Variants in SLCO1B1 observed in about 807,000 individuals in gnomAD.
SLCO1B1 encodes the protein solute carrier organic anion transporter family member 1B1.
A neutral mutation model predicts 70.1 loss-of-function variants in SLCO1B1; 81 were observed. The observed-to-expected ratio is 1.16, with a 90% confidence interval of 0.97 to 1.39. The LOEUF is 1.39. Ranked by LOEUF, SLCO1B1 falls within the 40% of genes most tolerant of loss-of-function variation. The probability of loss-of-function intolerance (pLI) is 0.00; values close to 1 mark genes in which losing one functional copy is unlikely to be tolerated. For synonymous variants in SLCO1B1, 283 were observed against 271.5 expected (o/e 1.04, Z -0.42); for missense variants, 895 against 799.6 (o/e 1.12, Z -1.44).
intron 1 of SLCO1B1, among the ~76,000 whole-genome samples, chr12:21,136,038 A>C (rs1353999056): frequency 6.6e-6 from 1 of 151,818 alleles, no homozygotes; most frequent in Non-Finnish European, 1.5e-5. Flanking sequence ...TGGTGGTGAC[A>C]AAATCAGCAT....
At chr12:21,208,181 T>G (rs1169097730) in intron 11 of SLCO1B1, among the ~76,000 whole-genome samples, 1 of 152,090 alleles carries the variant, frequency 6.6e-6, no homozygotes, top group East Asian at 1.9e-4. Flanking sequence ...TTGCAATTGC[T>G]TTTGAGAACT....
chr12:21,147,911 G>A (rs115760237), intron 2 of SLCO1B1, among the ~76,000 whole-genome samples: 2,225 of 152,216 alleles, frequency 0.015, 50 homozygotes, highest in African/African-American at 0.05. Flanking sequence ...TCCAACTGGC[G>A]TGAGATAGTA....
intron 1 of SLCO1B1, among the ~76,000 whole-genome samples, chr12:21,139,830 A>G (rs1940282163): frequency 6.6e-6 from 1 of 152,068 alleles, no homozygotes; most frequent in African/African-American, 2.4e-5. Flanking sequence ...CACTGTATTT[A>G]TTGCCACATT....
chr12:21,148,623 A>G (rs944235630), intron 2 of SLCO1B1, among the ~76,000 whole-genome samples: 1 of 149,372 alleles, frequency 6.7e-6, no homozygotes, highest in African/African-American at 2.5e-5. Context: ...GGCTTGTAGT[A>G]TCATTTAAAG....
rs34804201 is a variant in SLCO1B1, at chr12:21,189,455, ATT to A, written c.728-7480_728-7479del. 4.7e-4 allele frequency among the ~76,000 whole-genome samples: 70 copies of A among 149,160 alleles called. 1 individual carries two copies. The highest frequency in any genetic ancestry group is 3.4e-3 in the Middle Eastern group (1 of 292). On this transcript the variant is annotated intron_variant, in intron 7 of 14. Coordinates refer to ENST00000256958, the MANE Select transcript of SLCO1B1 (RefSeq NM_006446.5). ...GTAGCCTAATTGTTTTTTCAAATTA[ATT>A]TTTTTTTTTTGAGTCACTCTCACTC...
In SLCO1B1 at chr12:21,200,683, T is replaced by C. The variant is rs938293642; in HGVS notation, c.1135+11T>C. 1.2e-6 allele frequency: 2 copies of C among 1,608,112 alleles called. No individual in the cohort carries two copies. Among genetic ancestry groups the C allele is most frequent in the East Asian group, 4.5e-5 (2 of 44,652 alleles). On this transcript the variant is annotated intron_variant, in intron 9 of 14. Coordinates refer to ENST00000256958, the MANE Select transcript of SLCO1B1 (RefSeq NM_006446.5). ...CTAACATCTTATTGGGTAAGACATA[T>C]TTTTTACTTGTGTGCTTAATAAGTG...
chr12:21,216,169 T>C (rs1056940950), intron 11 of SLCO1B1, among the ~76,000 whole-genome samples: 1 of 152,186 alleles, frequency 6.6e-6, no homozygotes, highest in Non-Finnish European at 1.5e-5. Context: ...TATTACTAAA[T>C]CCTCAATAAT....
chr12:21,205,836 C>G (rs1565438627), intron 10 of SLCO1B1, 32 bp from the exon 11 acceptor site: 1 of 1,504,460 alleles, frequency 6.6e-7, no homozygotes, highest in Non-Finnish European at 9.2e-7. Context: ...CTCTCTCTCT[C>G]TTTTTGATAT....
At chr12:21,136,456 T>C (rs1940222511) in intron 1 of SLCO1B1, among the ~76,000 whole-genome samples, 1 of 152,188 alleles carries the variant, frequency 6.6e-6, no homozygotes, top group Non-Finnish European at 1.5e-5. Context: ...TCCCCATCAC[T>C]TTCAGGTACA....
rs1940394133 is a variant in SLCO1B1 at position 21,147,001 on chromosome 12, A to C, written c.84+5343A>C. Among the ~76,000 whole-genome samples the C allele has an allele frequency of 2.0e-5, 3 of 152,086 alleles. No homozygotes were observed. The South Asian group carries it at 6.2e-4, about 31-fold the overall frequency. ...CTGTTTTTACCTGCTGGATCTTTCC[A>C]TTTCTAGAGAGATGTAGAGTCTCCA... On this transcript the variant is annotated intron_variant, in intron 2 of 14. Coordinates refer to ENST00000256958, the MANE Select transcript of SLCO1B1 (RefSeq NM_006446.5).
intron 5 of SLCO1B1, among the ~76,000 whole-genome samples, chr12:21,178,287 C>T (rs988999243): frequency 1.3e-5 from 2 of 152,096 alleles, no homozygotes; most frequent in Non-Finnish European, 2.9e-5. Context: ...CATGGCTTTG[C>T]TCTTCCTTCA....
intron 2 of SLCO1B1, among the ~76,000 whole-genome samples, chr12:21,171,429 T>C (rs957508070): frequency 2.6e-5 from 4 of 152,148 alleles, no homozygotes; most frequent in Non-Finnish European, 4.4e-5. Flanking sequence ...TCTCATAGGT[T>C]ATTGGAAAAA....
intron 4 of SLCO1B1, among the ~76,000 whole-genome samples, chr12:21,176,373 C>CGT (rs1940821419): frequency 6.6e-6 from 1 of 151,902 alleles, no homozygotes; most frequent in Non-Finnish European, 1.5e-5. Flanking sequence ...TACATTAGAG[C>CGT]GTGTGTGTGA....
chr12:21,165,222 G>A (rs1940669608), intron 2 of SLCO1B1, among the ~76,000 whole-genome samples: 1 of 152,160 alleles, frequency 6.6e-6, no homozygotes, highest in Non-Finnish European at 1.5e-5. Flanking sequence ...CTCAATGTCA[G>A]TTGTCTCTTT....
chr12:21,142,554 T>A (rs947899537), intron 2 of SLCO1B1, among the ~76,000 whole-genome samples: 5 of 151,840 alleles, frequency 3.3e-5, no homozygotes, highest in Non-Finnish European at 1.5e-5. Context: ...AAGATTGGAG[T>A]CAATTACAAT....
At chr12:21,223,222 G>C (rs1398426840) in intron 13 of SLCO1B1, among the ~76,000 whole-genome samples, 3 of 152,124 alleles carry the variant, frequency 2.0e-5, no homozygotes, top group Non-Finnish European at 2.9e-5. Context: ...CTAATTCTGA[G>C]TATCCTATTT....
chr12:21,218,768 T>TG (rs764695344), intron 12 of SLCO1B1, among the ~76,000 whole-genome samples: 3 of 152,210 alleles, frequency 2.0e-5, no homozygotes, highest in Non-Finnish European at 4.4e-5. Context: ...CCATCATCGA[T>TG]GATAACAATA....
rs55687335 is a variant in SLCO1B1, at chr12:21,173,771, C to CTTT, written c.227-789_227-787dup. On this transcript the variant is annotated intron_variant, in intron 3 of 14. Coordinates refer to ENST00000256958, the MANE Select transcript of SLCO1B1 (RefSeq NM_006446.5). ...CCAGATGGATTAGAAGTGGTCATGA[C>CTTT]TTTTTTTTTTTTTTTTTTTGAGACG... 8.3e-3 allele frequency among the ~76,000 whole-genome samples: 955 copies of CTTT among 115,018 alleles called. 56 individuals carry two copies. Among genetic ancestry groups the CTTT allele is most frequent in the African/African-American group, 0.029 (812 of 28,446 alleles). 75.5% of individuals were successfully genotyped at this position (115,018 alleles called of 152,430 possible). A position where few individuals can be genotyped will look rare whatever the true frequency, so the allele number is the denominator to read the frequency against.
intron 4 of SLCO1B1, 109 bp downstream of exon 4, chr12:21,174,818 T>C: frequency 9.5e-7 from 1 of 1,051,878 alleles, no homozygotes; most frequent in Non-Finnish European, 1.4e-6. Context: ...TTTGAGAAGA[T>C]ACCCACTAAG....
Sources: allele counts gnomAD v4.1 joint callset (sites outside exome capture counted in the v4.1 genomes callset), GRCh38; gene constraint gnomAD v4.1.1; transcripts MANE v1.5; gene names NCBI Gene and HGNC (gene_info 2026-07-23, HGNC 2026-07-21).